Variants in AK5 observed in about 807,000 individuals in gnomAD.
The protein encoded by AK5 is adenylate kinase 5, also known as adenylate kinase isoenzyme 5.
In AK5, 27 loss-of-function variants were observed where a neutral mutation model predicts 69.5. That is an observed-to-expected ratio of 0.39 (90% confidence interval 0.29 to 0.54). AK5 has a LOEUF of 0.54. Among genes scored for constraint, AK5 ranks in the 20% least tolerant of loss-of-function variants. The pLI is 0.71. For missense variants in AK5, 531 were observed against 700.4 expected, an observed-to-expected ratio of 0.76 and a Z score of 2.73; for synonymous variants, 260 against 244.4, an observed-to-expected ratio of 1.06 and a Z score of -0.60.
intron 6 of AK5, among the ~76,000 whole-genome samples, chr1:77,353,034 C>G (rs1013495189): frequency 6.6e-6 from 1 of 152,016 alleles, no homozygotes; most frequent in East Asian, 1.9e-4. Flanking sequence ...TTTAATTTAC[C>G]TTTACATACT....
chr1:77,451,162 A>T (rs1268091557), intron 8 of AK5, among the ~76,000 whole-genome samples: 2 of 152,138 alleles, frequency 1.3e-5, no homozygotes, highest in African/African-American at 4.8e-5. Context: ...GGCAACAGAG[A>T]GACCCTGTCT....
rs188086469 is a variant in AK5 at position 77,494,956 on chromosome 1, G to A, written c.1147+8604G>A. Among the ~76,000 whole-genome samples the A allele has an allele frequency of 2.4e-4, 37 of 151,962 alleles. No individual in the cohort carries two copies. The Middle Eastern group carries it at 0.01, about 42-fold the overall frequency. The stretch of plus-strand genomic sequence containing the variant: ...GTCACCACGCTCGGCTAATTTTTTT[G>A]TATTTTTAATAGAGACGGGGTTTCA... On this transcript the variant is annotated intron_variant, in intron 10 of 13. Transcript: ENST00000354567.
chr1:77,339,813 G>T (rs1236985817), intron 5 of AK5, among the ~76,000 whole-genome samples: 1 of 151,676 alleles, frequency 6.6e-6, no homozygotes, highest in African/African-American at 2.4e-5. Flanking sequence ...CTGTAGAGAC[G>T]GTTTCACCAT....
At chr1:77,400,745 TC>T (rs1649157908) in intron 6 of AK5, among the ~76,000 whole-genome samples, 1 of 152,048 alleles carries the variant, frequency 6.6e-6, no homozygotes, top group Non-Finnish European at 1.5e-5. Flanking sequence ...GTTGACTTTT[TC>T]CCCACAAAGT....
intron 13 of AK5, among the ~76,000 whole-genome samples, chr1:77,539,026 G>A (rs1374534327): frequency 6.6e-6 from 1 of 152,248 alleles, no homozygotes; most frequent in African/African-American, 2.4e-5. Context: ...CAATATTTAT[G>A]TTTAGAAAAC....
At chr1:77,327,443 A>G (rs1450114010) in intron 5 of AK5, among the ~76,000 whole-genome samples, 3 of 151,912 alleles carry the variant, frequency 2.0e-5, no homozygotes, top group Admixed American at 1.3e-4. Context: ...AAATGGTGAC[A>G]TTAACAACAT....
At chr1:77,352,022 C>T (rs987542014) in intron 6 of AK5, among the ~76,000 whole-genome samples, 5 of 150,146 alleles carry the variant, frequency 3.3e-5, no homozygotes, top group Admixed American at 1.3e-4. Flanking sequence ...CTCTGCCTTC[C>T]GGTTTCAAGC....
At position 77,475,384 on chromosome 1, in the gene AK5, ATATG is replaced by A. The variant is rs1245359350; in HGVS notation, c.1060-7929_1060-7926del. 4.1e-3 allele frequency among the ~76,000 whole-genome samples: 113 copies of A among 27,822 alleles called. 4 individuals are homozygous for A. Among genetic ancestry groups the A allele is most frequent in the African/African-American group, 0.015 (108 of 7,010 alleles). The allele number at this position is 27,822 out of a possible 152,430, so 18.3% of individuals were successfully genotyped here. ...ATATATATACAAATATATATTATAT[ATATG>A]TATATATATAATATATATGTATATA... On this transcript the variant is annotated intron_variant, in intron 8 of 13. Coordinates refer to ENST00000354567, the MANE Select transcript of AK5 (RefSeq NM_174858.3).
At chr1:77,310,016 A>G (rs1183695921) in intron 5 of AK5, among the ~76,000 whole-genome samples, 3 of 152,068 alleles carry the variant, frequency 2.0e-5, no homozygotes, top group Non-Finnish European at 4.4e-5. Flanking sequence ...AGTGTTCCCC[A>G]TAATCTCATA....
At chr1:77,363,840 A>G (rs945917221) in intron 6 of AK5, among the ~76,000 whole-genome samples, 7 of 150,860 alleles carry the variant, frequency 4.6e-5, no homozygotes, top group Admixed American at 4.6e-4. Context: ...CCTTAACCAC[A>G]CTCCTGATCC....
intron 11 of AK5, among the ~76,000 whole-genome samples, 164 bp from the exon 12 acceptor site, chr1:77,521,663 T>C (rs1657990729): frequency 6.6e-6 from 1 of 152,156 alleles, no homozygotes; most frequent in Admixed American, 6.5e-5. Flanking sequence ...TATTAAAATA[T>C]GGGGTGGAGG....
At chr1:77,470,298 A>T (rs924241028) in intron 8 of AK5, among the ~76,000 whole-genome samples, 1 of 152,156 alleles carries the variant, frequency 6.6e-6, no homozygotes, top group East Asian at 1.9e-4. Context: ...TGAGCTCAGG[A>T]GTTCAAGACC....
intron 7 of AK5, among the ~76,000 whole-genome samples, chr1:77,412,844 C>T (rs966374963): frequency 5.3e-5 from 8 of 152,112 alleles, no homozygotes; most frequent in African/African-American, 1.9e-4. Flanking sequence ...GGGAGCCAGG[C>T]AGAAGTGTTC....
chr1:77,331,359 A>G (rs1661078232), intron 5 of AK5, among the ~76,000 whole-genome samples: 1 of 152,088 alleles, frequency 6.6e-6, no homozygotes, highest in South Asian at 2.1e-4. Context: ...CATTTTGTAT[A>G]TTTGTTCTTT....
chr1:77,545,356 AAT>A lies in AK5; in HGVS notation c.1620+9320_1620+9321del, dbSNP rs571924496. Among the ~76,000 whole-genome samples the A allele has an allele frequency of 1.2e-4, 18 of 152,258 alleles. 1 individual carries two copies. In the South Asian group the frequency reaches 3.7e-3, roughly 32 times the overall value. On this transcript the variant is annotated intron_variant, in intron 13 of 13. Coordinates refer to ENST00000354567, the MANE Select transcript of AK5 (RefSeq NM_174858.3). ...GGTGGGGGAGGGCTGATTTCATGCAAATACTCCCAAGCTGTACGCATTTCTGT... is the reference window on the plus strand; with the variant it reads ...GGTGGGGGAGGGCTGATTTCATGCAAACTCCCAAGCTGTACGCATTTCTGT...
chr1:77,433,372 C>T (rs1393862170), intron 8 of AK5, among the ~76,000 whole-genome samples: 1 of 152,092 alleles, frequency 6.6e-6, no homozygotes, highest in African/African-American at 2.4e-5. Context: ...ATTTTGCCAG[C>T]AAGAATAGTG....
chr1:77,391,495 G>GTGTATATATATATATATATA (rs1425180466), intron 6 of AK5, among the ~76,000 whole-genome samples: 146 of 63,188 alleles, frequency 2.3e-3, no homozygotes, highest in South Asian at 6.8e-3. Flanking sequence ...GTGTGTGTGT[G>GTGTATATATATATATATATA]TATATATATA....
chr1:77,358,561 T>C (rs2034708), intron 6 of AK5, among the ~76,000 whole-genome samples: 6,412 of 152,178 alleles, frequency 0.042, 199 homozygotes, highest in South Asian at 0.091. Flanking sequence ...GTTTACAGAA[T>C]GATCCCAGAG....
chr1:77,365,835 G>T (rs557071490), intron 6 of AK5, among the ~76,000 whole-genome samples: 148 of 152,248 alleles, frequency 9.7e-4, no homozygotes, highest in Non-Finnish European at 1.7e-3. Flanking sequence ...TTTCCAAGAG[G>T]TTTCTTTTAT....
Sources: allele counts gnomAD v4.1 joint callset (sites outside exome capture counted in the v4.1 genomes callset), GRCh38; gene constraint gnomAD v4.1.1; transcripts MANE v1.5; gene names NCBI Gene and HGNC (gene_info 2026-07-23, HGNC 2026-07-21).